The following GPHN variants were observed in gnomAD, a reference collection of about 807,000 sequenced individuals.
GPHN encodes the protein gephyrin.
Under a neutral mutation model 95.5 loss-of-function variants are expected in GPHN, and 17 were observed. The ratio of observed to expected loss-of-function variants is 0.18; its 90% confidence interval spans 0.12 to 0.27. The LOEUF is 0.27. GPHN is among the 10% of genes least tolerant of loss of function. GPHN has a pLI of 1.00. For missense variants in GPHN, 660 were observed against 978.1 expected (o/e 0.67, Z 4.34); for synonymous variants, 320 against 322.5 (o/e 0.99, Z 0.08).
At chr14:67,350,535 A>G in the GPHN span, 1 of 1,324,842 alleles carries the variant, frequency 7.5e-7, no homozygotes, top group Non-Finnish European at 1.1e-6. Context: ...TCTAAATTAA[A>G]AAATGCTTTT....
chr14:67,063,154 T>C (rs528386278), intron 11 of GPHN, among the ~76,000 whole-genome samples: 1 of 152,344 alleles, frequency 6.6e-6, no homozygotes, highest in South Asian at 2.1e-4. Context: ...TACATATGCC[T>C]AGCCAGTTTT....
At chr14:67,701,687 G>T in the GPHN span, among the ~76,000 whole-genome samples, 1 of 152,218 alleles carries the variant, frequency 6.6e-6, no homozygotes, top group East Asian at 1.9e-4. Flanking sequence ...CTCCCAAAGT[G>T]CTGGGATTAC....
At chr14:66,518,975 G>A (rs2058367486) in intron 1 of GPHN, among the ~76,000 whole-genome samples, 1 of 151,644 alleles carries the variant, frequency 6.6e-6, no homozygotes, top group Admixed American at 6.6e-5. Flanking sequence ...CTAGAAGGAG[G>A]ATATTGAATG....
At chr14:66,916,477 AGTTTTTTTTTTTTTTTTTGGTTTG>A (rs1318230498) in intron 6 of GPHN, among the ~76,000 whole-genome samples, 2 of 119,922 alleles carry the variant, frequency 1.7e-5, no homozygotes, top group Non-Finnish European at 3.5e-5. Flanking sequence ...TGATGTCCAG[AGTTTTTTTTTTTTTTTTTGGTTTG>A]GTTTTTTTTT....
intron 2 of GPHN, among the ~76,000 whole-genome samples, chr14:66,715,754 G>A (rs1001050793): frequency 6.6e-6 from 1 of 152,120 alleles, no homozygotes; most frequent in Admixed American, 6.5e-5. Flanking sequence ...TCATTCAGGA[G>A]CAGGTTATTT....
At chr14:67,379,655 T>TTTTTTTTTC in the GPHN span, among the ~76,000 whole-genome samples, 2 of 103,568 alleles carry the variant, frequency 1.9e-5, no homozygotes, top group Non-Finnish European at 3.4e-5. Flanking sequence ...TTTCTTTTTC[T>TTTTTTTTTC]TTTTTTTTTT....
At chr14:66,718,392 A>G (rs1240865001) in intron 2 of GPHN, among the ~76,000 whole-genome samples, 1 of 152,116 alleles carries the variant, frequency 6.6e-6, no homozygotes, top group Non-Finnish European at 1.5e-5. Context: ...CGCTGACTTC[A>G]GGAATAAGCC....
the GPHN span, chr14:67,204,918 A>G: frequency 1.2e-6 from 2 of 1,613,894 alleles, no homozygotes; most frequent in Non-Finnish European, 1.7e-6. Context: ...CAGATGTCAC[A>G]GATCTTCCAG....
chr14:67,213,947 G>A, the GPHN span, among the ~76,000 whole-genome samples: 1 of 152,114 alleles, frequency 6.6e-6, no homozygotes, highest in Admixed American at 6.5e-5. Flanking sequence ...GTGTTTTTTG[G>A]CTGCATAAAT....
chr14:66,792,522 C>T (rs1442652137), intron 3 of GPHN, among the ~76,000 whole-genome samples: 1 of 150,528 alleles, frequency 6.6e-6, no homozygotes, highest in Non-Finnish European at 1.5e-5. Flanking sequence ...CCAAGGAATA[C>T]TATTTTTAAA....
the GPHN span, among the ~76,000 whole-genome samples, chr14:67,366,669 T>A: frequency 1.5e-3 from 236 of 152,322 alleles, 2 homozygotes; most frequent in Non-Finnish European, 2.7e-3. Flanking sequence ...AAAGAGCCTG[T>A]AGAGAGGATT....
intron 9 of GPHN, among the ~76,000 whole-genome samples, chr14:67,002,678 A>T (rs2153611684): frequency 6.6e-6 from 1 of 151,494 alleles, no homozygotes; most frequent in Non-Finnish European, 1.5e-5. Context: ...ATTCCTGTAA[A>T]ATAGGAATGA....
At chr14:66,776,584 T>G in intron 3 of GPHN, 63 bp downstream of exon 3, 1 of 911,578 alleles carries the variant, frequency 1.1e-6, no homozygotes, top group South Asian at 1.3e-5. Context: ...TGGGGAAGAG[T>G]TGCTTTTTCT....
intron 1 of GPHN, among the ~76,000 whole-genome samples, chr14:66,517,904 T>A (rs550223517): frequency 6.6e-6 from 1 of 151,788 alleles, no homozygotes; most frequent in South Asian, 2.1e-4. Flanking sequence ...AAATAAGACC[T>A]CAAAAGCACA....
the GPHN span, among the ~76,000 whole-genome samples, chr14:67,527,004 G>C: frequency 6.6e-6 from 1 of 152,228 alleles, no homozygotes; most frequent in South Asian, 2.1e-4. Flanking sequence ...TAGGGGCAGG[G>C]CAGAGGGAGC....
intron 1 of GPHN, among the ~76,000 whole-genome samples, chr14:66,547,564 G>A (rs2059647621): frequency 6.6e-6 from 1 of 152,162 alleles, no homozygotes; most frequent in Non-Finnish European, 1.5e-5. Context: ...GTTTTATAAA[G>A]CTTTTTCTGT....
the GPHN span, among the ~76,000 whole-genome samples, chr14:67,362,005 CT>C: frequency 6.9e-4 from 97 of 140,376 alleles, 1 homozygote; most frequent in South Asian, 3.0e-3. Flanking sequence ...AGGTAAGAGT[CT>C]TTTTTTTTTT....
At chr14:67,031,188 T>A (rs933386790) in intron 10 of GPHN, among the ~76,000 whole-genome samples, 8 of 152,118 alleles carry the variant, frequency 5.3e-5, no homozygotes, top group African/African-American at 1.9e-4. Flanking sequence ...ACCCCTTAAT[T>A]TGTCATAGAT....
chr14:66,714,244 T>G lies in GPHN; in HGVS notation c.143+33059T>G, dbSNP rs76427914. On this transcript the variant is annotated intron_variant, in intron 2 of 22. Transcript: ENST00000478722. ...GTGGATTCCTAAGTATTTTATTTTA[T>G]TTTTTTTGCAGCTATTTTAAAAGGA... 4.1e-4 allele frequency among the ~76,000 whole-genome samples: 63 copies of G among 152,132 alleles called. 1 individual carries two copies. The East Asian group carries it at 0.012, about 29-fold the overall frequency.
Sources: allele counts gnomAD v4.1 joint callset (sites outside exome capture counted in the v4.1 genomes callset), GRCh38; gene constraint gnomAD v4.1.1; transcripts MANE v1.5; gene names NCBI Gene and HGNC (gene_info 2026-07-23, HGNC 2026-07-21).